BCAS3: variants seen among roughly 807,000 people sequenced by gnomAD.
BCAS3 encodes the protein BCAS4/BCAS3 fusion.
Under a neutral mutation model 116.1 loss-of-function variants are expected in BCAS3, and 53 were observed. The ratio of observed to expected loss-of-function variants is 0.46; its 90% CI spans 0.37 to 0.57. The LOEUF is 0.57. BCAS3 is among the 20% of genes least tolerant of loss of function. BCAS3 has a pLI of 0.00. For missense variants in BCAS3, 917 were observed against 1,165.4 expected, an observed-to-expected ratio of 0.79 and a Z score of 3.10; for synonymous variants, 391 against 408.2, an observed-to-expected ratio of 0.96 and a Z score of 0.51.
intron 22 of BCAS3, among the ~76,000 whole-genome samples, chr17:61,250,969 A>C (rs1228744788): frequency 6.6e-6 from 1 of 152,196 alleles, no homozygotes; most frequent in Non-Finnish European, 1.5e-5. Flanking sequence ...TCTTAAGACT[A>C]TGGACCCCTT....
intron 22 of BCAS3, among the ~76,000 whole-genome samples, chr17:61,153,166 G>A (rs940177803): frequency 1.4e-4 from 22 of 152,130 alleles, no homozygotes; most frequent in Admixed American, 1.4e-3. Flanking sequence ...GTCTCTTCTG[G>A]TGGTAATCTC....
chr17:61,388,516 G>A lies in BCAS3; in HGVS notation c.2594-3461G>A, dbSNP rs899949805. The A allele has an allele frequency of 2.0e-5, 22 of 1,112,556 alleles. No individual in the cohort carries two copies. The highest frequency in any genetic ancestry group is 7.1e-5 in the Admixed American group (3 of 42,226). 68.9% of individuals were successfully genotyped at this position (1,112,556 alleles called of 1,614,324 possible). ...CCCCCTCCTCACGGTGTGCCCCTGC[G>A]CCTCCTGACACCTCTCCACCTGCTT... On this transcript the variant is annotated intron_variant, in intron 23 of 23. Coordinates refer to ENST00000407086, the MANE Select transcript of BCAS3 (RefSeq NM_017679.5). The surrounding 1 kb of genome is among the most constrained non-coding windows in gnomAD (Gnocchi z 6.5).
chr17:60,779,559 G>A (rs2045615060), intron 6 of BCAS3, among the ~76,000 whole-genome samples: 1 of 152,092 alleles, frequency 6.6e-6, no homozygotes, highest in Non-Finnish European at 1.5e-5. Context: ...AGTAGAGACA[G>A]GGCTTCTCCA....
intron 8 of BCAS3, among the ~76,000 whole-genome samples, chr17:60,872,906 CTGTG>C (rs1176271728): frequency 1.3e-5 from 2 of 151,814 alleles, no homozygotes; most frequent in African/African-American, 4.8e-5. Context: ...ATTTTTGTGG[CTGTG>C]TGTGTGTTTC....
rs114721904 is a variant in BCAS3 at position 60,770,709 on chromosome 17, C to G, written c.403+23430C>G. On this transcript the variant is annotated intron_variant, in intron 6 of 23. Coordinates refer to ENST00000407086, the MANE Select transcript of BCAS3 (RefSeq NM_017679.5). The stretch of plus-strand genomic sequence containing the variant: ...CAGGCATGAGCCACTGCACCTGGCC[C>G]CAGTATTCTCTCTTAGACGGTCTAT... 3.3e-3 allele frequency among the ~76,000 whole-genome samples: 501 copies of G among 151,404 alleles called. 4 individuals are homozygous for G. The highest frequency in any genetic ancestry group is 0.012 in the African/African-American group (491 of 41,400).
chr17:60,992,217 C>T (rs534203047), intron 15 of BCAS3, among the ~76,000 whole-genome samples: 2 of 151,458 alleles, frequency 1.3e-5, no homozygotes, highest in African/African-American at 2.4e-5. Flanking sequence ...CACACACACA[C>T]ACACACACAC....
At chr17:60,687,639 T>G (rs916936645) in intron 3 of BCAS3, among the ~76,000 whole-genome samples, 1 of 152,004 alleles carries the variant, frequency 6.6e-6, no homozygotes, top group African/African-American at 2.4e-5. Context: ...AAACAACTTT[T>G]TTTTTTTAAA....
At chr17:61,312,480 T>C (rs773785281) in intron 22 of BCAS3, among the ~76,000 whole-genome samples, 9 of 152,230 alleles carry the variant, frequency 5.9e-5, no homozygotes, top group Non-Finnish European at 8.8e-5. Context: ...CGAACAATCT[T>C]GCCACTGTGG....
At chr17:60,789,183 AAAGAG>A (rs1385001132) in intron 6 of BCAS3, among the ~76,000 whole-genome samples, 2 of 152,170 alleles carry the variant, frequency 1.3e-5, no homozygotes, top group African/African-American at 4.8e-5. Context: ...CTTAACATCA[AAAGAG>A]AAGAGTTGAG....
Position 61,294,042 on chromosome 17 carries a change from C to T in BCAS3, c.2426-74285C>T, listed in dbSNP as rs193024221. ...CCTCCCAAAGTACTGGGATTACAGG[C>T]GTGAGCCACAGCATCATTTTTCTGC... On this transcript the variant is annotated intron_variant, in intron 22 of 23. Coordinates refer to ENST00000407086, the MANE Select transcript of BCAS3 (RefSeq NM_017679.5). Among the ~76,000 whole-genome samples, 13 of 152,266 alleles carry T rather than the reference C, an allele frequency of 8.5e-5. No homozygotes were observed. In the South Asian group the frequency reaches 1.4e-3, roughly 17 times the overall value.
At chr17:60,867,577 G>T (rs1450725614) in intron 7 of BCAS3, among the ~76,000 whole-genome samples, 1 of 151,960 alleles carries the variant, frequency 6.6e-6, no homozygotes, top group Non-Finnish European at 1.5e-5. Context: ...CCTGATGTTT[G>T]TATATTAAAC....
At chr17:60,819,238 C>T (rs1462120818) in intron 7 of BCAS3, among the ~76,000 whole-genome samples, 1 of 151,832 alleles carries the variant, frequency 6.6e-6, no homozygotes, top group Non-Finnish European at 1.5e-5. Context: ...GGCAAAGGGC[C>T]CGGAACATTA....
At chr17:60,784,602 C>T (rs558034909) in intron 6 of BCAS3, among the ~76,000 whole-genome samples, 20 of 150,340 alleles carry the variant, frequency 1.3e-4, no homozygotes, top group African/African-American at 4.6e-4. Context: ...TGCGCCCAGC[C>T]AACAAAAAAT....
In BCAS3 at chr17:61,276,089, G is replaced by A. The variant is rs2050735906; in HGVS notation, c.2426-92238G>A. ...GTGTTGGCCGGGTGCGGTGGCTCAC[G>A]CGTGTAATCTCAGCACTTTGGGAGG... On this transcript the variant is annotated intron_variant, in intron 22 of 23. Coordinates refer to ENST00000407086, the MANE Select transcript of BCAS3 (RefSeq NM_017679.5). The surrounding 1 kb of genome is among the most constrained non-coding windows in gnomAD (Gnocchi z 4.2). Among the ~76,000 whole-genome samples, 1 of 152,204 alleles carries A rather than the reference G, an allele frequency of 6.6e-6. No homozygotes were observed. Among genetic ancestry groups the A allele is most frequent in the East Asian group, 1.9e-4 (1 of 5,176 alleles).
chr17:61,036,075 G>A (rs2067006870), intron 17 of BCAS3: 1 of 152,144 alleles, frequency 6.6e-6, no homozygotes, highest in African/African-American at 2.4e-5. Flanking sequence ...AATGTTTATA[G>A]GATTAGTGCT....
At chr17:61,221,136 A>T (rs1352533849) in intron 22 of BCAS3, among the ~76,000 whole-genome samples, 1 of 152,198 alleles carries the variant, frequency 6.6e-6, no homozygotes, top group African/African-American at 2.4e-5. Context: ...GTAGAATCCC[A>T]GTGTTACAAA....
chr17:61,240,865 C>A (rs575722823), intron 22 of BCAS3, among the ~76,000 whole-genome samples: 1 of 152,174 alleles, frequency 6.6e-6, no homozygotes, highest in East Asian at 1.9e-4. Context: ...ACTTTCTTCC[C>A]GAAAAGAAGC....
intron 22 of BCAS3, among the ~76,000 whole-genome samples, chr17:61,168,638 A>G (rs1461358435): frequency 6.6e-6 from 1 of 152,218 alleles, no homozygotes; most frequent in African/African-American, 2.4e-5. Context: ...TCAAGACAGC[A>G]AATTGATTAC....
At chr17:60,712,268 C>T (rs943923372) in intron 5 of BCAS3, among the ~76,000 whole-genome samples, 5 of 151,598 alleles carry the variant, frequency 3.3e-5, no homozygotes, top group African/African-American at 7.3e-5. Flanking sequence ...TCCAGCTACT[C>T]GGGAGGATGA....
Sources: gnomAD v4.1 joint callset for allele counts (sites outside exome capture counted in the v4.1 genomes callset) on GRCh38, gnomAD v4.1.1 for gene constraint, Gnocchi (gnomAD v3.1) non-coding constraint, MANE v1.5 for transcripts, NCBI Gene and HGNC (gene_info 2026-07-23, HGNC 2026-07-21) for gene names.